The following SPEG variants were observed in gnomAD, a reference collection of about 807,000 sequenced individuals.
The protein encoded by SPEG is striated muscle preferentially expressed protein kinase.
SPEG carries 114 observed loss-of-function variants against 300.4 expected under a neutral mutation model. That is an observed-to-expected ratio of 0.38 (90% CI 0.33 to 0.44). SPEG has a LOEUF of 0.44. SPEG is among the 20% of genes least tolerant of loss of function. SPEG has a pLI of 1.00. For synonymous variants in SPEG, 1,964 were observed against 2,018.9 expected (o/e 0.97, Z 0.73); for missense variants, 4,201 against 4,586.2 (o/e 0.92, Z 2.43).
chr2:219,460,721 CG>C, intron 6 of SPEG: 1 of 981,922 alleles, frequency 1.0e-6, no homozygotes, highest in East Asian at 1.1e-4. Flanking sequence ...CCTGTGGTCT[CG>C]GCAGGCACCA....
Position 219,493,350 on chromosome 2 carries a change from TCA to T in SPEG, c.*565_*566del, listed in dbSNP as rs1326857343. On this transcript the variant is annotated 3_prime_UTR_variant, in exon 41 of 41. Transcript: ENST00000312358. ...GGGGTGGGTCAGCTGTCAGCATCCCTCAGAGGAGAAATGTGGAGAGCTGGAGG... is the reference window on the plus strand; with the variant it reads ...GGGGTGGGTCAGCTGTCAGCATCCCTGAGGAGAAATGTGGAGAGCTGGAGG... The T allele has an allele frequency of 5.6e-6, 2 of 358,484 alleles. No individual in the cohort carries two copies. The highest frequency in any genetic ancestry group is 1.1e-5 in the Non-Finnish European group (2 of 181,478). The allele number at this position is 358,484 out of a possible 1,614,324, so 22.2% of individuals were successfully genotyped here.
intron 6 of SPEG, chr2:219,461,617 C>A (rs1055752419): frequency 9.8e-7 from 1 of 1,024,732 alleles, no homozygotes; most frequent in East Asian, 3.4e-5. Flanking sequence ...CTGCCCGAAC[C>A]CTTTGCCCCA....
intron 10 of SPEG, among the ~76,000 whole-genome samples, chr2:219,468,087 A>G (rs1691536616): frequency 6.6e-6 from 1 of 152,244 alleles, no homozygotes; most frequent in African/African-American, 2.4e-5. Context: ...TCGGGTCAAC[A>G]TAAGGGACCC....
chr2:219,490,973 C>A lies in SPEG; in HGVS notation c.9385+17C>A. On this transcript the variant is annotated intron_variant, in intron 38 of 40. Transcript: ENST00000312358. ...AGTTCATGGGTGAGGGGACCAGCTG[C>A]CAGCCAGGGTGGGGACAGGGCCCTG... 1 of 1,600,150 alleles carries A rather than the reference C, an allele frequency of 6.2e-7. No homozygotes were observed. Among genetic ancestry groups the A allele is most frequent in the Non-Finnish European group, 8.5e-7 (1 of 1,171,404 alleles).
rs887918407 is a variant in SPEG, at chr2:219,439,311, C to T, written c.388+3946C>T. Among the ~76,000 whole-genome samples, 8 of 152,088 alleles carry T rather than the reference C, an allele frequency of 5.3e-5. No homozygotes were observed. Among genetic ancestry groups the T allele is most frequent in the Admixed American group, 1.3e-4 (2 of 15,274 alleles). On this transcript the variant is annotated intron_variant, in intron 1 of 40. Coordinates refer to ENST00000312358, the MANE Select transcript of SPEG (RefSeq NM_005876.5). This position sits in a 1 kb window ranked among gnomAD's most constrained non-coding sequence, Gnocchi z 4.5. ...GTGCCTACTATGTGCTTTTGATACA[C>T]GAGTCAGGGGGTTGAGGGAGACCAA...
At position 219,451,839 on chromosome 2, in the gene SPEG, G is replaced by A; in HGVS notation, c.2440+32G>A. 7.4e-6 allele frequency: 11 copies of A among 1,496,334 alleles called. No homozygotes were observed. The highest frequency in any genetic ancestry group is 9.9e-6 in the Non-Finnish European group (11 of 1,115,522). 92.7% of individuals were successfully genotyped at this position (1,496,334 alleles called of 1,614,324 possible). On this transcript the variant is annotated intron_variant, in intron 6 of 40. Coordinates refer to ENST00000312358, the MANE Select transcript of SPEG (RefSeq NM_005876.5). This position sits in a 1 kb window ranked among gnomAD's most constrained non-coding sequence, Gnocchi z 6.4. The stretch of plus-strand genomic sequence containing the variant: ...AGCCCATCAACCCTGGGGCTGGGTG[G>A]GGGCAAGCCGTGACTCTCCCCTGGC...
Position 219,439,721 on chromosome 2 carries a change from C to T in SPEG, c.388+4356C>T, listed in dbSNP as rs1392383711. 6.6e-6 allele frequency among the ~76,000 whole-genome samples: 1 copy of T among 152,168 alleles called. No individual in the cohort carries two copies. Among genetic ancestry groups the T allele is most frequent in the Non-Finnish European group, 1.5e-5 (1 of 68,032 alleles). The stretch of plus-strand genomic sequence containing the variant: ...CCTTCAGGAGTGAGCAGTGCCGACC[C>T]AGAGCAGGAACACAGAATCCTGCCG... On this transcript the variant is annotated intron_variant, in intron 1 of 40. Transcript: ENST00000312358. This position sits in a 1 kb window ranked among gnomAD's most constrained non-coding sequence, Gnocchi z 4.5.
intron 14 of SPEG, 54 bp downstream of exon 14, chr2:219,472,041 A>T: frequency 1.9e-6 from 3 of 1,598,904 alleles, no homozygotes; most frequent in Non-Finnish European, 2.6e-6. Context: ...CTCTGGCACT[A>T]CGTGGGGGCT....
chr2:219,451,112 C>A lies in SPEG; in HGVS notation c.2114-24C>A. 2 of 1,592,008 alleles carry A rather than the reference C, an allele frequency of 1.3e-6. No individual in the cohort carries two copies. Among genetic ancestry groups the A allele is most frequent in the Non-Finnish European group, 1.7e-6 (2 of 1,169,942 alleles). Reference sequence around the variant, plus strand: ...TCCCTGCAGGGATCATGGCCCCTTACCCCGTTATTCCTGTGTCCGGCAGAG... The same window carrying A: ...TCCCTGCAGGGATCATGGCCCCTTAACCCGTTATTCCTGTGTCCGGCAGAG... On this transcript the variant is annotated intron_variant, in intron 4 of 40. Transcript: ENST00000312358. The surrounding 1 kb of genome is among the most constrained non-coding windows in gnomAD (Gnocchi z 6.4).
chr2:219,488,358 T>G, intron 32 of SPEG, 48 bp downstream of exon 32: 1 of 1,537,778 alleles, frequency 6.5e-7, no homozygotes, highest in South Asian at 1.2e-5. Context: ...CAAGTGGCCC[T>G]GAGCCCAGGG....
At position 219,462,292 on chromosome 2, in the gene SPEG, C is replaced by T. The variant is rs761678831; in HGVS notation, c.2617-6C>T. On this transcript the variant is annotated splice_region_variant and splice_polypyrimidine_tract_variant and intron_variant, in intron 7 of 40. Coordinates refer to ENST00000312358, the MANE Select transcript of SPEG (RefSeq NM_005876.5). ...TTCCCCTGACACTTTGGGGTACCCC[C>T]TTCAGGTCTCACTTATGGACCAGTC... 4 of 1,558,850 alleles carry T rather than the reference C, an allele frequency of 2.6e-6. No individual in the cohort carries two copies. The East Asian group carries it at 7.2e-5, about 28-fold the overall frequency.
At position 219,445,991 on chromosome 2, in the gene SPEG, G is replaced by A. The variant is rs1225948929; in HGVS notation, c.815+830G>A. On this transcript the variant is annotated intron_variant, in intron 3 of 40. Coordinates refer to ENST00000312358, the MANE Select transcript of SPEG (RefSeq NM_005876.5). This position sits in a 1 kb window ranked among gnomAD's most constrained non-coding sequence, Gnocchi z 6.1. ...GAGTGCTATAGTGGAAGAGGGGAGT[G>A]GCTGAGAATAGAGGGACTAGGGCAT... 6.6e-6 allele frequency among the ~76,000 whole-genome samples: 1 copy of A among 151,916 alleles called. No individual in the cohort carries two copies. Among genetic ancestry groups the A allele is most frequent in the Non-Finnish European group, 1.5e-5 (1 of 67,954 alleles).
Position 219,477,351 on chromosome 2 carries a change from C to T in SPEG, c.4635C>T (p.Leu1545=). The T allele has an allele frequency of 1.9e-6, 3 of 1,613,474 alleles. No homozygotes were observed. The highest frequency in any genetic ancestry group is 1.7e-6 in the Non-Finnish European group (2 of 1,179,800). ...YEENECSLVV[L]STGAQDGGVY... ...AGAATGAGTGCTCCCTGGTGGTGCT[C>T]AGCACGGGGGCCCAGGATGGAGGCG... is the stretch of plus-strand genomic sequence containing the variant. Residue 1545 remains leucine, a synonymous_variant, in exon 20 of 41, where the codon CTC becomes CTT. Coordinates refer to ENST00000312358, the MANE Select transcript of SPEG (RefSeq NM_005876.5). This position sits in a 1 kb window ranked among gnomAD's most constrained non-coding sequence, Gnocchi z 6.4.
chr2:219,457,405 A>G (rs1188875046), intron 6 of SPEG, among the ~76,000 whole-genome samples: 1 of 152,188 alleles, frequency 6.6e-6, no homozygotes, highest in African/African-American at 2.4e-5. Context: ...CAACATAATG[A>G]AACCCCGTCT....
At chr2:219,466,248 G>A in intron 9 of SPEG, 1 of 1,435,114 alleles carries the variant, frequency 7.0e-7, no homozygotes. Flanking sequence ...ATGGGCCCCT[G>A]TGGACCCTCC....
At position 219,483,837 on chromosome 2, in the gene SPEG, T is replaced by G; in HGVS notation, c.6374T>G (p.Leu2125Arg). 6.3e-7 allele frequency: 1 copy of G among 1,586,580 alleles called. No homozygotes were observed. The highest frequency in any genetic ancestry group is 8.5e-7 in the Non-Finnish European group (1 of 1,172,540). Reference protein sequence around the residue: ...HHQPPLENRGLQKSSSFSQGE... With the variant: ...HHQPPLENRGRQKSSSFSQGE... ...CAGCCCCCACTCGAGAACCGGGGCC[T>G]GCAAAAGAGCAGCAGCTTCTCCCAG... The change falls in exon 30 of 41, where the codon CTG becomes CGG. Residue 2125 changes from leucine (L) to arginine (R), a missense_variant. Transcript: ENST00000312358.
Position 219,466,086 on chromosome 2 carries a change from C to T in SPEG, c.2882-1088C>T, listed in dbSNP as rs775058687. On this transcript the variant is annotated intron_variant, in intron 9 of 40. Coordinates refer to ENST00000312358, the MANE Select transcript of SPEG (RefSeq NM_005876.5). ...GTGAGCTCAGGGGGCCACCTGTGCT[C>T]CCCCCGCTACCCTCCGAGCCGCGCC... The T allele has an allele frequency of 5.0e-6, 8 of 1,596,508 alleles. No individual in the cohort carries two copies. The Admixed American group carries it at 1.0e-4, about 20-fold the overall frequency.
chr2:219,483,540 G>A lies in SPEG; in HGVS notation c.6077G>A (p.Arg2026Gln). 5.0e-6 allele frequency: 7 copies of A among 1,404,970 alleles called. No individual in the cohort carries two copies. The highest frequency in any genetic ancestry group is 4.6e-6 in the Non-Finnish European group (5 of 1,091,998). The allele number at this position is 1,404,970 out of a possible 1,614,324, so 87.0% of individuals were successfully genotyped here. A position where few individuals can be genotyped will look rare whatever the true frequency, so the allele number is the denominator to read the frequency against. Reference sequence around the variant, plus strand: ...AGCGCCCTGCCCCGGGCCGGGCCGCGGGAGCTGGGCCGGGGCCTGCACAAG... The same window carrying A: ...AGCGCCCTGCCCCGGGCCGGGCCGCAGGAGCTGGGCCGGGGCCTGCACAAG... Reference protein sequence around the residue: ...AESALPRAGPRELGRGLHKAA... With the variant: ...AESALPRAGPQELGRGLHKAA... Residue 2026 changes from arginine to glutamine, a missense_variant, in exon 30 of 41, where the codon CGG becomes CAG. This residue lies in a region of SPEG where 1,578 missense variants were observed against 1,506.0 expected (regional missense o/e 1.05). Coordinates refer to ENST00000312358, the MANE Select transcript of SPEG (RefSeq NM_005876.5).
chr2:219,469,241 C>G lies in SPEG; in HGVS notation c.3577C>G (p.Pro1193Ala). The stretch of plus-strand genomic sequence containing the variant: ...GCTGTCCATTCCTGACTTCCTGCGG[C>G]CACTGCAGGACCTGGAGGTGGGACT... ...ERLSIPDFLR[P>A]LQDLEVGLAK... The change falls in exon 13 of 41, where the codon CCA (proline) becomes GCA (alanine). Residue 1193 changes from proline (P) to alanine (A), a missense_variant. Physicochemically the swap from Pro to Ala is conservative, Grantham distance 27. Coordinates refer to ENST00000312358, the MANE Select transcript of SPEG (RefSeq NM_005876.5). 3 of 1,613,794 alleles carry G rather than the reference C, an allele frequency of 1.9e-6. No individual in the cohort carries two copies. The highest frequency in any genetic ancestry group is 2.5e-6 in the Non-Finnish European group (3 of 1,179,908).
Sources: allele counts gnomAD v4.1 joint callset (sites outside exome capture counted in the v4.1 genomes callset), GRCh38; gene constraint gnomAD v4.1.1; regional missense constraint gnomAD v4.1.1; non-coding constraint Gnocchi (gnomAD v3.1); transcripts MANE v1.5; gene names NCBI Gene and HGNC (gene_info 2026-07-23, HGNC 2026-07-21).